The following TMEM204 variants were observed in gnomAD, a reference collection of about 807,000 sequenced individuals.
TMEM204 encodes the protein claudin-like protein 24.
TMEM204 carries 15 observed loss-of-function variants against 19.4 expected under a neutral mutation model. That is an observed-to-expected ratio of 0.77 (90% CI 0.52 to 1.19). The LOEUF is 1.19. Ranked by LOEUF, TMEM204 falls within the 50% of genes most tolerant of loss-of-function variation. The pLI, the probability that TMEM204 is intolerant of heterozygous loss-of-function variation, is 0.00. For missense variants in TMEM204, 287 were observed against 321.2 expected, an observed-to-expected ratio of 0.89 and a Z score of 0.81; for synonymous variants, 161 against 146.0, an observed-to-expected ratio of 1.10 and a Z score of -0.74.
At chr16:1,547,200 C>T (rs1033859286) in intron 2 of TMEM204, among the ~76,000 whole-genome samples, 7 of 152,150 alleles carry the variant, frequency 4.6e-5, no homozygotes, top group African/African-American at 1.7e-4. Flanking sequence ...GGCATATAAC[C>T]CAAAATTCCC....
intron 1 of TMEM204, among the ~76,000 whole-genome samples, chr16:1,538,143 G>C (rs1282427493): frequency 6.6e-6 from 1 of 152,242 alleles, no homozygotes; most frequent in African/African-American, 2.4e-5. Flanking sequence ...GCTCAGACAG[G>C]AAGGCTCGGG....
intron 1 of TMEM204, chr16:1,541,464 T>A (rs2031627350): frequency 3.0e-6 from 3 of 985,380 alleles, no homozygotes; most frequent in African/African-American, 1.7e-5. Context: ...ACAGCACGCC[T>A]GAGGAGCTGG....
chr16:1,531,192 C>T (rs2030450648), upstream of TMEM204: 1 of 152,228 alleles, frequency 6.6e-6, no homozygotes, highest in African/African-American at 2.4e-5. This position sits in a 1 kb window ranked among gnomAD's most constrained non-coding sequence, Gnocchi z 4.7. Context: ...CCTCTTAGTT[C>T]CCATCCAAGT....
At chr16:1,554,386 G>C (rs1012870171) in intron 2 of TMEM204, among the ~76,000 whole-genome samples, 1 of 152,312 alleles carries the variant, frequency 6.6e-6, no homozygotes, top group African/African-American at 2.4e-5. Context: ...TGCTGAGTCT[G>C]GGGGGCTAGG....
intron 2 of TMEM204, 101 bp downstream of exon 2, chr16:1,542,177 C>T: frequency 6.1e-6 from 8 of 1,301,154 alleles, no homozygotes; most frequent in Non-Finnish European, 6.1e-6. Context: ...GGGGAAGCTG[C>T]AGGCCATACC....
At chr16:1,531,821 T>G (rs966380852), upstream of TMEM204, 1 of 152,222 alleles carries the variant, frequency 6.6e-6, no homozygotes, top group Non-Finnish European at 1.5e-5. This position sits in a 1 kb window ranked among gnomAD's most constrained non-coding sequence, Gnocchi z 4.7. Context: ...TGCCGCTGTG[T>G]AGGAGTCTGG....
rs1451113678 is a variant in TMEM204, at chr16:1,551,016, A to G, written c.437-3766A>G. ...GTAGCGGCATCTACGTGATCTGGCC[A>G]AAGGGCTCTGTCCCTTTGAGGGGTC... On this transcript the variant is annotated intron_variant, in intron 2 of 2. Coordinates refer to ENST00000566264, the MANE Select transcript of TMEM204 (RefSeq NM_024600.6). This position sits in a 1 kb window ranked among gnomAD's most constrained non-coding sequence, Gnocchi z 4.0. Among the ~76,000 whole-genome samples the G allele has an allele frequency of 6.6e-6, 1 of 152,166 alleles. No homozygotes were observed. Among genetic ancestry groups the G allele is most frequent in the African/African-American group, 2.4e-5 (1 of 41,454 alleles).
intron 1 of TMEM204, among the ~76,000 whole-genome samples, chr16:1,539,451 C>A (rs1427199919): frequency 6.6e-6 from 1 of 152,272 alleles, no homozygotes; most frequent in Non-Finnish European, 1.5e-5. Context: ...GCCCCTTCCT[C>A]CAAGCACTCT....
rs930660746 is a variant in TMEM204 at position 1,533,832 on chromosome 16, C to T, written c.-444C>T. The stretch of plus-strand genomic sequence containing the variant: ...CCCGCTCCACACCGGCCACCCTGCC[C>T]GGAGCCTGGCACTCACAGCAGGCCG... On this transcript the variant is annotated 5_prime_UTR_variant, in exon 1 of 3. Transcript: ENST00000566264. The surrounding 1 kb of genome is among the most constrained non-coding windows in gnomAD (Gnocchi z 4.7). The T allele has an allele frequency of 3.2e-5, 7 of 220,842 alleles. No individual in the cohort carries two copies. Among genetic ancestry groups the T allele is most frequent in the East Asian group, 1.8e-4 (1 of 5,596 alleles). The allele number at this position is 220,842 out of a possible 1,614,324, so 13.7% of individuals were successfully genotyped here.
At chr16:1,528,896 C>A (rs908080511), upstream of TMEM204, 1 of 152,244 alleles carries the variant, frequency 6.6e-6, no homozygotes, top group Non-Finnish European at 1.5e-5. Context: ...GGAGCCCAGT[C>A]CCACGGTGGT....
rs77532722 is a variant in TMEM204, at chr16:1,546,122, G to A, written c.436+4046G>A. On this transcript the variant is annotated intron_variant, in intron 2 of 2. Coordinates refer to ENST00000566264, the MANE Select transcript of TMEM204 (RefSeq NM_024600.6). ...CTTGTTGATTTGTGCAGATAGGCAC[G>A]GGCAGAGAGGGAAAGGAGTATTGAA... Among the ~76,000 whole-genome samples, 206 of 152,350 alleles carry A rather than the reference G, an allele frequency of 1.4e-3. 4 individuals carry two copies. The East Asian group carries it at 0.033, about 24-fold the overall frequency.
chr16:1,534,178 T>G lies in TMEM204; in HGVS notation c.-98T>G. On this transcript the variant is annotated 5_prime_UTR_variant, in exon 1 of 3. Transcript: ENST00000566264. ...GCCGCCCCGAGGATGAGTGGTGATG[T>G]CCTCTAGCCACCCCTAGCAGCGTCG... 6.7e-7 allele frequency: 1 copy of G among 1,496,818 alleles called. No homozygotes were observed. The highest frequency in any genetic ancestry group is 1.2e-5 in the South Asian group (1 of 81,728). The allele number at this position is 1,496,818 out of a possible 1,614,324, so 92.7% of individuals were successfully genotyped here.
intron 2 of TMEM204, among the ~76,000 whole-genome samples, chr16:1,546,985 ACT>A (rs1403749497): frequency 2.0e-5 from 3 of 151,972 alleles, no homozygotes; most frequent in Admixed American, 1.3e-4. Context: ...CTCACATGAC[ACT>A]CTCTGCATCC....
In TMEM204 at chr16:1,551,428, A is replaced by G. The variant is rs1384497241; in HGVS notation, c.437-3354A>G. On this transcript the variant is annotated intron_variant, in intron 2 of 2. Coordinates refer to ENST00000566264, the MANE Select transcript of TMEM204 (RefSeq NM_024600.6). This position sits in a 1 kb window ranked among gnomAD's most constrained non-coding sequence, Gnocchi z 4.0. ...TGGACCCAGTGACTGAGAGGGGTGG[A>G]AAGGGCCACTGGGCCCCAGGGTGGC... Among the ~76,000 whole-genome samples the G allele has an allele frequency of 6.6e-5, 10 of 152,128 alleles. No homozygotes were observed. Among genetic ancestry groups the G allele is most frequent in the Non-Finnish European group, 1.5e-5 (1 of 68,000 alleles).
rs1400334908 is a variant in TMEM204, at chr16:1,554,719, G to A, written c.437-63G>A. On this transcript the variant is annotated intron_variant, in intron 2 of 2. Transcript: ENST00000566264. ...GGAACCTGCTCTAGGACAGAGGGCT[G>A]GGGAAGGAGTGGAACCCGCCTTCCT... is the stretch of plus-strand genomic sequence containing the variant. The A allele has an allele frequency of 8.2e-6, 13 of 1,591,362 alleles. No individual in the cohort carries two copies. The South Asian group carries it at 1.3e-4, about 16-fold the overall frequency.
At position 1,553,936 on chromosome 16, in the gene TMEM204, T is replaced by C; in HGVS notation, c.437-846T>C. ...AAAGGTCTTTGGAGCTCCTCAAAGA[T>C]AAAACTGTAAGTGAAACTGTAGCAT... On this transcript the variant is annotated intron_variant, in intron 2 of 2. Coordinates refer to ENST00000566264, the MANE Select transcript of TMEM204 (RefSeq NM_024600.6). The surrounding 1 kb of genome is among the most constrained non-coding windows in gnomAD (Gnocchi z 4.4). The C allele has an allele frequency of 7.8e-7, 1 of 1,285,996 alleles. No individual in the cohort carries two copies. Among genetic ancestry groups the C allele is most frequent in the East Asian group, 5.6e-5 (1 of 17,980 alleles). The allele number at this position is 1,285,996 out of a possible 1,614,324, so 79.7% of individuals were successfully genotyped here. A position where few individuals can be genotyped will look rare whatever the true frequency, so the allele number is the denominator to read the frequency against.
rs1292757904 is a variant in TMEM204, at chr16:1,537,269, C to T, written c.280+2714C>T. On this transcript the variant is annotated intron_variant, in intron 1 of 2. Transcript: ENST00000566264. ...ACACCGCGTGCCTCCTCACGCACAC[C>T]AGGCCACCCTCGGGGTTTCCGGATG... 2.0e-5 allele frequency among the ~76,000 whole-genome samples: 3 copies of T among 152,228 alleles called. No individual in the cohort carries two copies. The East Asian group carries it at 5.8e-4, about 29-fold the overall frequency.
At chr16:1,546,009 C>T (rs2032140875) in intron 2 of TMEM204, among the ~76,000 whole-genome samples, 1 of 152,240 alleles carries the variant, frequency 6.6e-6, no homozygotes, top group South Asian at 2.1e-4. Context: ...TTGCATTCTG[C>T]TCACTCCACA....
chr16:1,545,048 C>G (rs558001894), intron 2 of TMEM204, among the ~76,000 whole-genome samples: 2 of 152,236 alleles, frequency 1.3e-5, no homozygotes, highest in African/African-American at 4.8e-5. Context: ...TTACTTCCTG[C>G]AAAATCTTAT....
Sources: gnomAD v4.1 joint callset for allele counts (sites outside exome capture counted in the v4.1 genomes callset) on GRCh38, gnomAD v4.1.1 for gene constraint, Gnocchi (gnomAD v3.1) non-coding constraint, MANE v1.5 for transcripts, NCBI Gene and HGNC (gene_info 2026-07-23, HGNC 2026-07-21) for gene names.